CDK12: variants seen among roughly 807,000 people sequenced by gnomAD.
The protein encoded by CDK12 is cyclin dependent kinase 12.
In CDK12, 17 loss-of-function variants were observed where a neutral mutation model predicts 133.8. The observed-to-expected ratio is 0.13, with a 90% confidence interval of 0.09 to 0.19. CDK12 has a LOEUF of 0.19. Among genes scored for constraint, CDK12 ranks in the 10% least tolerant of loss-of-function variants. CDK12 has a pLI of 1.00. For missense variants in CDK12, 1,508 were observed against 1,818.7 expected, an observed-to-expected ratio of 0.83 and a Z score of 3.11; for synonymous variants, 694 against 683.6, an observed-to-expected ratio of 1.02 and a Z score of -0.24.
intron 2 of CDK12, among the ~76,000 whole-genome samples, chr17:39,482,532 C>G (rs1166075065): frequency 2.7e-5 from 4 of 148,512 alleles, no homozygotes; most frequent in African/African-American, 7.4e-5. Flanking sequence ...TGTGCAGGGG[C>G]CATGATAATC....
At chr17:39,465,500 T>C (rs959115625) in intron 1 of CDK12, among the ~76,000 whole-genome samples, 1 of 151,972 alleles carries the variant, frequency 6.6e-6, no homozygotes, top group Non-Finnish European at 1.5e-5. Context: ...TTTTTGTTTT[T>C]TTTTGAGACA....
chr17:39,556,046 A>C (rs1190446117), intron 2 of CDK12, among the ~76,000 whole-genome samples: 1 of 151,624 alleles, frequency 6.6e-6, no homozygotes, highest in Non-Finnish European at 1.5e-5. Context: ...AAAAAAAAAA[A>C]AAAAAGAAAA....
At chr17:39,475,113 G>C (rs893421469) in intron 2 of CDK12, among the ~76,000 whole-genome samples, 10 of 152,062 alleles carry the variant, frequency 6.6e-5, no homozygotes, top group African/African-American at 2.4e-4. Context: ...GGGATTACAG[G>C]CATGAGCCAC....
chr17:39,526,341 A>T lies in CDK12; in HGVS notation c.3760+25A>T, dbSNP rs771793162. ...GGTAAACAGACCGGTCATGAATCTC[A>T]TTGAGCTCAGGTGCTGTTGATACCC... On this transcript the variant is annotated intron_variant, in intron 13 of 13. Transcript: ENST00000447079. The T allele has an allele frequency of 4.0e-6, 6 of 1,505,890 alleles. No homozygotes were observed. In the South Asian group the frequency reaches 4.8e-5, roughly 12 times the overall value. 93.3% of individuals were successfully genotyped at this position (1,505,890 alleles called of 1,614,324 possible).
At chr17:39,503,010 T>C (rs1449840815) in intron 6 of CDK12, among the ~76,000 whole-genome samples, 1 of 151,914 alleles carries the variant, frequency 6.6e-6, no homozygotes. Context: ...ACCCAGGAGG[T>C]AGAGGTTACA....
chr17:39,520,582 G>C (rs985319690), intron 11 of CDK12, among the ~76,000 whole-genome samples: 1 of 151,884 alleles, frequency 6.6e-6, no homozygotes, highest in Non-Finnish European at 1.5e-5. Context: ...GTAGAGACGG[G>C]GTTACACCTT....
rs148026391 is a variant in CDK12, at chr17:39,468,729, C to T, written c.1047-2150C>T. Among the ~76,000 whole-genome samples, 1,256 of 152,172 alleles carry T rather than the reference C, an allele frequency of 8.3e-3. 16 individuals are homozygous for T. Among genetic ancestry groups the T allele is most frequent in the African/African-American group, 0.029 (1,191 of 41,530 alleles). On this transcript the variant is annotated intron_variant, in intron 1 of 13. Coordinates refer to ENST00000447079, the MANE Select transcript of CDK12 (RefSeq NM_016507.4). ...AACTCAGGTAATCCGCCTGCCTCAG[C>T]CTCCGAAAGTGTTGGGATTACAGGC...
intron 11 of CDK12, among the ~76,000 whole-genome samples, chr17:39,522,455 C>T (rs1427803613): frequency 6.6e-6 from 1 of 151,230 alleles, no homozygotes; most frequent in Non-Finnish European, 1.5e-5. Context: ...TTTTCTGAGA[C>T]AGGGTCTCTC....
chr17:39,476,570 T>C (rs1244231500), intron 2 of CDK12, among the ~76,000 whole-genome samples: 2 of 151,536 alleles, frequency 1.3e-5, no homozygotes, highest in Admixed American at 6.6e-5. Context: ...CCTGCCACCA[T>C]GTTCAACTAA....
chr17:39,530,714 C>G lies in CDK12; in HGVS notation c.3871C>G (p.Gln1291Glu), dbSNP rs777841575. The change falls in exon 14 of 14, where the codon CAG (glutamine) becomes GAG (glutamate). Residue 1291 changes from glutamine to glutamate, a missense_variant. Coordinates refer to ENST00000447079, the MANE Select transcript of CDK12 (RefSeq NM_016507.4). ...LVEGDLSSAP[Q>E]ELNPAVTAAL... The stretch of plus-strand genomic sequence containing the variant: ...TGAAGGCGATCTTTCCAGCGCCCCC[C>G]AGGAGTTGAACCCAGCCGTGACAGC... 32 of 1,613,924 alleles carry G rather than the reference C, an allele frequency of 2.0e-5. No individual in the cohort carries two copies. In the Admixed American group the frequency reaches 5.2e-4, roughly 26 times the overall value.
chr17:39,559,103 C>T (rs140848715), intron 3 of CDK12, among the ~76,000 whole-genome samples: 3 of 152,272 alleles, frequency 2.0e-5, no homozygotes, highest in South Asian at 2.1e-4. Flanking sequence ...AAACACAAGG[C>T]GGCCCCTTTT....
At chr17:39,562,158 T>C (rs2056397215) in intron 3 of CDK12, among the ~76,000 whole-genome samples, 1 of 152,098 alleles carries the variant, frequency 6.6e-6, no homozygotes, top group Non-Finnish European at 1.5e-5. Context: ...CAGGCTGGTC[T>C]CAAACTTCTG....
chr17:39,467,389 T>TG (rs1017355468), intron 1 of CDK12, among the ~76,000 whole-genome samples: 2 of 151,974 alleles, frequency 1.3e-5, no homozygotes, highest in East Asian at 1.9e-4. Context: ...ATTCGGTGAG[T>TG]GGGGGGGAAA....
chr17:39,468,511 T>C (rs1259469916), intron 1 of CDK12, among the ~76,000 whole-genome samples: 1 of 152,082 alleles, frequency 6.6e-6, no homozygotes, highest in African/African-American at 2.4e-5. Flanking sequence ...GTTTCACTCT[T>C]GTTGCCCAGG....
intron 4 of CDK12, among the ~76,000 whole-genome samples, chr17:39,493,218 G>A (rs2051791145): frequency 6.8e-6 from 1 of 147,776 alleles, no homozygotes; most frequent in African/African-American, 2.5e-5. Context: ...GTCCAGGCTG[G>A]TCTTGAACTC....
intron 11 of CDK12, among the ~76,000 whole-genome samples, chr17:39,521,649 T>C (rs1430398359): frequency 6.6e-6 from 1 of 152,042 alleles, no homozygotes; most frequent in Admixed American, 6.6e-5. Context: ...AACCTCCATC[T>C]CCTGGATTCA....
intron 12 of CDK12, 38 bp downstream of exon 12, chr17:39,524,923 C>T (rs368288008): frequency 3.6e-5 from 56 of 1,548,854 alleles, no homozygotes; most frequent in African/African-American, 1.9e-4. Flanking sequence ...TTTTGCTAAG[C>T]GTATTTGGCA....
intron 6 of CDK12, among the ~76,000 whole-genome samples, chr17:39,507,000 G>A (rs1393634386): frequency 6.6e-6 from 1 of 151,904 alleles, no homozygotes; most frequent in Admixed American, 6.6e-5. Flanking sequence ...AGGTTCAAGC[G>A]ATTCTCCCAC....
At chr17:39,557,224 G>A (rs1019664283) in intron 3 of CDK12, among the ~76,000 whole-genome samples, 6 of 152,140 alleles carry the variant, frequency 3.9e-5, no homozygotes, top group African/African-American at 7.2e-5. Context: ...ACATGAAGCC[G>A]GCCGCTGAGT....
Sources: gnomAD v4.1 joint callset for allele counts (sites outside exome capture counted in the v4.1 genomes callset) on GRCh38, gnomAD v4.1.1 for gene constraint, MANE v1.5 for transcripts, NCBI Gene and HGNC (gene_info 2026-07-23, HGNC 2026-07-21) for gene names.